Variants in COG4 observed in about 807,000 individuals in gnomAD.
The protein encoded by COG4 is conserved oligomeric Golgi complex subunit 4.
COG4 carries 65 observed loss-of-function variants against 95.1 expected under a neutral mutation model. The ratio of observed to expected loss-of-function variants is 0.68; its 90% CI spans 0.56 to 0.84. The LOEUF is 0.84. Ranked by LOEUF, COG4 falls within the 40% of genes least tolerant of loss-of-function variation. The pLI is 0.00. For synonymous variants in COG4, 421 were observed against 374.8 expected, an observed-to-expected ratio of 1.12 and a Z score of -1.42; for missense variants, 1,045 against 989.1, an observed-to-expected ratio of 1.06 and a Z score of -0.76.
At chr16:70,499,816 C>T (rs949566371) in intron 9 of COG4, among the ~76,000 whole-genome samples, 4 of 152,110 alleles carry the variant, frequency 2.6e-5, no homozygotes, top group Non-Finnish European at 5.9e-5. Context: ...CCCGCCACCA[C>T]GCCCGGCTAA....
At chr16:70,508,223 A>G (rs960362520) in intron 8 of COG4, among the ~76,000 whole-genome samples, 183 bp downstream of exon 8, 1 of 152,130 alleles carries the variant, frequency 6.6e-6, no homozygotes, top group Admixed American at 6.6e-5. Context: ...CCGGCTGATT[A>G]TGACTGATTA....
intron 6 of COG4, 108 bp from the exon 7 acceptor site, chr16:70,509,496 T>G: frequency 7.8e-7 from 1 of 1,275,850 alleles, no homozygotes; most frequent in Non-Finnish European, 1.1e-6. Flanking sequence ...TTTGGCTGCT[T>G]CACTTTCTAA....
intron 8 of COG4, among the ~76,000 whole-genome samples, chr16:70,508,182 G>A (rs1246580018): frequency 6.6e-6 from 1 of 152,146 alleles, no homozygotes; most frequent in Non-Finnish European, 1.5e-5. Context: ...GTCTCCCAAA[G>A]TGCTGGGATT....
intron 9 of COG4, among the ~76,000 whole-genome samples, chr16:70,499,177 T>A (rs1396331310): frequency 1.3e-5 from 2 of 150,566 alleles, no homozygotes; most frequent in East Asian, 1.9e-4. Context: ...AACTGAATAT[T>A]TTTTTTTTTA....
chr16:70,496,225 C>T (rs374027719), intron 12 of COG4, 41 bp downstream of exon 12: 32 of 1,611,518 alleles, frequency 2.0e-5, no homozygotes, highest in African/African-American at 1.2e-4. Flanking sequence ...CGTAACCTCT[C>T]GAGATAAACC....
chr16:70,520,715 C>G (rs995859014), intron 1 of COG4, among the ~76,000 whole-genome samples: 1 of 151,962 alleles, frequency 6.6e-6, no homozygotes. Context: ...GTGACAGTTA[C>G]CAAAATTTTT....
intron 8 of COG4, among the ~76,000 whole-genome samples, chr16:70,503,476 T>C (rs753795137): frequency 5.9e-5 from 9 of 152,338 alleles, no homozygotes; most frequent in Non-Finnish European, 1.2e-4. Context: ...CAGGCTCTCC[T>C]CTACTCTTTG....
chr16:70,502,598 T>C (rs1188242611), intron 8 of COG4, among the ~76,000 whole-genome samples: 1 of 144,084 alleles, frequency 6.9e-6, no homozygotes, highest in East Asian at 1.9e-4. Flanking sequence ...TGAAACTCCG[T>C]CTTAAAAAAA....
At chr16:70,515,910 C>T (rs951671461) in intron 3 of COG4, 4 of 434,340 alleles carry the variant, frequency 9.2e-6, no homozygotes, top group African/African-American at 8.2e-5. Flanking sequence ...CTCAAGAGAT[C>T]CTACTGCTTT....
chr16:70,504,635 G>A (rs1401082113), intron 8 of COG4, among the ~76,000 whole-genome samples: 2 of 130,476 alleles, frequency 1.5e-5, no homozygotes, highest in African/African-American at 3.5e-5. Context: ...AAAAGAGGCC[G>A]GGCATGGTGG....
intron 4 of COG4, among the ~76,000 whole-genome samples, chr16:70,513,509 C>G (rs1056813609): frequency 1.3e-5 from 2 of 152,088 alleles, no homozygotes; most frequent in Non-Finnish European, 2.9e-5. Flanking sequence ...TATGTTTTCT[C>G]CCATACATAC....
rs1033865519 is a variant in COG4, at chr16:70,490,273, C to G, written c.1710+57G>C. The stretch of plus-strand genomic sequence containing the variant: ...TTCACCATGATGTTTGTATAGGGCT[C>G]TATCTCAACATGGGAAAAGATGGCT... On this transcript the variant is annotated intron_variant, in intron 13 of 18. Transcript: ENST00000323786. 2.2e-6 allele frequency: 3 copies of G among 1,377,124 alleles called. No individual in the cohort carries two copies. The African/African-American group carries it at 4.3e-5, about 20-fold the overall frequency. 85.3% of individuals were successfully genotyped at this position (1,377,124 alleles called of 1,614,324 possible).
At chr16:70,504,681 G>T (rs1184312656) in intron 8 of COG4, among the ~76,000 whole-genome samples, 1 of 151,498 alleles carries the variant, frequency 6.6e-6, no homozygotes, top group Non-Finnish European at 1.5e-5. Context: ...GGAGGCCAAG[G>T]CGGGTGGATC....
At position 70,486,108 on chromosome 16, in the gene COG4, G is replaced by C. The variant is rs905443534; in HGVS notation, c.1711-2139C>G. On this transcript the variant is annotated intron_variant, in intron 13 of 18. Transcript: ENST00000323786. ...GATGGGGTTTCACCGTGTTAGCCAG[G>C]ATGGTCTCGATCTCCTGACCTTGTG... Among the ~76,000 whole-genome samples, 5 of 150,918 alleles carry C rather than the reference G, an allele frequency of 3.3e-5. No individual in the cohort carries two copies. In the East Asian group the frequency reaches 9.8e-4, roughly 30 times the overall value.
intron 17 of COG4, 114 bp downstream of exon 17, chr16:70,481,650 A>T: frequency 7.5e-7 from 1 of 1,341,514 alleles, no homozygotes; most frequent in East Asian, 2.4e-5. Flanking sequence ...GGACCCAGAC[A>T]TGCAGGGCCT....
Position 70,490,380 on chromosome 16 carries a change from T to C in COG4, c.1660A>G (p.Asn554Asp). Residue 554 changes from asparagine (N) to aspartate (D), a missense_variant, in exon 13 of 19, where the codon AAC (asparagine) becomes GAC (aspartate). Asn to Asp is a conservative substitution (Grantham distance 23). Transcript: ENST00000323786. ...ATGTTTTCACTGCAGACTTCCACGTTGTTCAGAGTCACCTGGGAGATGAGG... is the reference window on the plus strand; with the variant it reads ...ATGTTTTCACTGCAGACTTCCACGTCGTTCAGAGTCACCTGGGAGATGAGG... ...AKMSFLVTLN[N>D]VEVCSENIST... 1 of 1,613,844 alleles carries C rather than the reference T, an allele frequency of 6.2e-7. No homozygotes were observed. The highest frequency in any genetic ancestry group is 8.5e-7 in the Non-Finnish European group (1 of 1,179,786).
intron 13 of COG4, among the ~76,000 whole-genome samples, chr16:70,487,689 A>T (rs994949935): frequency 6.6e-6 from 1 of 152,242 alleles, no homozygotes; most frequent in African/African-American, 2.4e-5. Flanking sequence ...CCCTGGCCTC[A>T]CTTCTTTCCC....
At chr16:70,505,666 A>G (rs1567386279) in intron 8 of COG4, among the ~76,000 whole-genome samples, 1 of 150,646 alleles carries the variant, frequency 6.6e-6, no homozygotes, top group East Asian at 2.0e-4. Flanking sequence ...CGTCTCTACT[A>G]AAAATACAAA....
In COG4 at chr16:70,509,959, T is replaced by A. The variant is rs1304272604; in HGVS notation, c.801A>T (p.Arg267Ser). 2 of 1,613,958 alleles carry A rather than the reference T, an allele frequency of 1.2e-6. No homozygotes were observed. The highest frequency in any genetic ancestry group is 3.3e-5 in the Admixed American group (2 of 59,994). Residue 267 changes from arginine to serine, a missense_variant, in exon 6 of 19, where the codon AGA becomes AGT. By Grantham distance (110) the Arg-to-Ser change is moderately radical. Transcript: ENST00000323786. Reference sequence around the variant, plus strand: ...GTGTATCTGCAAAGATGACTGCAGCTCTCCGATCACTCATGTCTGTCCCCA... The same window carrying A: ...GTGTATCTGCAAAGATGACTGCAGCACTCCGATCACTCATGTCTGTCCCCA... ...MVLGTDMSDR[R>S]AAVIFADTLT...
Sources: gnomAD v4.1 joint callset for allele counts (sites outside exome capture counted in the v4.1 genomes callset) on GRCh38, gnomAD v4.1.1 for gene constraint, MANE v1.5 for transcripts, NCBI Gene and HGNC (gene_info 2026-07-23, HGNC 2026-07-21) for gene names.